The following LRRC7 variants were observed in gnomAD, a reference collection of about 807,000 sequenced individuals.
The protein encoded by LRRC7 is leucine rich repeat containing 7.
A neutral mutation model predicts 175.7 loss-of-function variants in LRRC7; 23 were observed. The ratio of observed to expected loss-of-function variants is 0.13; its 90% CI spans 0.09 to 0.19. The LOEUF is 0.19. Among genes scored for constraint, LRRC7 ranks in the 10% least tolerant of loss-of-function variants. The pLI is 1.00. For synonymous variants in LRRC7, 685 were observed against 680.9 expected (o/e 1.01, Z -0.09); for missense variants, 1,354 against 1,904.7 (o/e 0.71, Z 5.38).
intron 7 of LRRC7, among the ~76,000 whole-genome samples, chr1:69,900,175 T>C (rs1646094813): frequency 6.6e-6 from 1 of 152,198 alleles, no homozygotes; most frequent in Non-Finnish European, 1.5e-5. Flanking sequence ...AAACCCTTGC[T>C]CCAACTAATA....
chr1:69,792,612 A>G (rs1378308480), intron 4 of LRRC7, among the ~76,000 whole-genome samples: 1 of 151,970 alleles, frequency 6.6e-6, no homozygotes, highest in Non-Finnish European at 1.5e-5. Context: ...TACTTTACCT[A>G]TTTCCTATGG....
At chr1:69,867,316 T>C (rs1685053414) in intron 7 of LRRC7, among the ~76,000 whole-genome samples, 1 of 152,140 alleles carries the variant, frequency 6.6e-6, no homozygotes, top group South Asian at 2.1e-4. Context: ...CACAATATAG[T>C]TTTCTGAGAA....
intron 2 of LRRC7, among the ~76,000 whole-genome samples, chr1:69,717,608 C>T (rs549003914): frequency 1.6e-4 from 24 of 151,388 alleles, no homozygotes; most frequent in South Asian, 6.3e-4. Context: ...AAGGCAAGCA[C>T]CTTCAAAATT....
intron 24 of LRRC7, among the ~76,000 whole-genome samples, chr1:70,080,522 T>C (rs2102143141): frequency 6.6e-6 from 1 of 152,344 alleles, no homozygotes; most frequent in Middle Eastern, 3.4e-3. Flanking sequence ...CCTAAACTTC[T>C]GGTTTAATGC....
chr1:69,922,966 C>G (rs996109405), intron 7 of LRRC7, among the ~76,000 whole-genome samples: 3 of 151,970 alleles, frequency 2.0e-5, no homozygotes, highest in Admixed American at 2.0e-4. Context: ...ATCCCTCCCC[C>G]CTCCTGCCAC....
chr1:69,721,375 C>G (rs1666333266), intron 2 of LRRC7, among the ~76,000 whole-genome samples: 2 of 151,838 alleles, frequency 1.3e-5, no homozygotes, highest in African/African-American at 4.8e-5. Flanking sequence ...GTGCTCCATC[C>G]TCCCTAATCT....
intron 1 of LRRC7, among the ~76,000 whole-genome samples, chr1:69,592,934 TAA>T (rs1646697631): frequency 6.6e-6 from 1 of 152,030 alleles, no homozygotes; most frequent in African/African-American, 2.4e-5. Flanking sequence ...TTCTAATATC[TAA>T]AAGTTTTTAG....
intron 4 of LRRC7, among the ~76,000 whole-genome samples, chr1:69,794,979 A>T (rs888441341): frequency 9.2e-5 from 14 of 152,252 alleles, no homozygotes; most frequent in African/African-American, 3.1e-4. Context: ...ACTCTGCAAT[A>T]CTAGTATAGT....
At chr1:70,109,233 G>A (rs1053142876) in intron 26 of LRRC7, among the ~76,000 whole-genome samples, 1 of 152,078 alleles carries the variant, frequency 6.6e-6, no homozygotes, top group African/African-American at 2.4e-5. Flanking sequence ...TGCTGGTCAG[G>A]CTGATCTCGA....
At chr1:69,797,913 TTTTG>T (rs567826773) in intron 4 of LRRC7, among the ~76,000 whole-genome samples, 12 of 152,202 alleles carry the variant, frequency 7.9e-5, no homozygotes, top group East Asian at 1.9e-4. Flanking sequence ...ACTTTGTTTT[TTTTG>T]TTTGTTTGTT....
chr1:70,109,210 CAG>C (rs1558075765), intron 26 of LRRC7, among the ~76,000 whole-genome samples: 1 of 151,980 alleles, frequency 6.6e-6, no homozygotes, highest in Non-Finnish European at 1.5e-5. Flanking sequence ...TTAGTAGAGA[CAG>C]GGTTTCTCCA....
chr1:69,619,698 A>G (rs1379621367), intron 1 of LRRC7, among the ~76,000 whole-genome samples: 1 of 152,216 alleles, frequency 6.6e-6, no homozygotes, highest in Non-Finnish European at 1.5e-5. Context: ...GTTCAAGTGA[A>G]AATTGGAATT....
In LRRC7 at chr1:70,129,491, C is replaced by T. The variant is rs562854707; in HGVS notation, c.*7604C>T. Among the ~76,000 whole-genome samples, 44 of 152,206 alleles carry T rather than the reference C, an allele frequency of 2.9e-4. No individual in the cohort carries two copies. The highest frequency in any genetic ancestry group is 9.6e-4 in the African/African-American group (40 of 41,538). On this transcript the variant is annotated 3_prime_UTR_variant, in exon 27 of 27. Transcript: ENST00000651989. ...CAGCACTGAGTCTGTATGCCCCTGA[C>T]GTTACGGGAGAAGGAGATGGAATTC...
chr1:69,765,815 A>G (rs1394773450), intron 3 of LRRC7, among the ~76,000 whole-genome samples: 31 of 152,110 alleles, frequency 2.0e-4, no homozygotes. Flanking sequence ...TTTTTCAGAC[A>G]TTCTATCTAG....
At chr1:69,983,950 G>A (rs754934777) in intron 9 of LRRC7, among the ~76,000 whole-genome samples, 1 of 151,560 alleles carries the variant, frequency 6.6e-6, no homozygotes. Flanking sequence ...TTTTTGGATG[G>A]AGTCTCGCTC....
chr1:70,050,794 A>G (rs1268809275), intron 22 of LRRC7, among the ~76,000 whole-genome samples: 1 of 152,038 alleles, frequency 6.6e-6, no homozygotes, highest in Non-Finnish European at 1.5e-5. Context: ...CTGCACCACC[A>G]CAACCACCAC....
At chr1:69,837,986 G>T (rs1352060355) in intron 6 of LRRC7, among the ~76,000 whole-genome samples, 1 of 151,614 alleles carries the variant, frequency 6.6e-6, no homozygotes, top group African/African-American at 2.4e-5. Context: ...AGGTATGTGT[G>T]ATATTTTAGT....
intron 23 of LRRC7, among the ~76,000 whole-genome samples, chr1:70,066,493 C>A (rs932263865): frequency 6.6e-6 from 1 of 151,888 alleles, no homozygotes; most frequent in South Asian, 2.1e-4. Flanking sequence ...ATGTATGTAA[C>A]CTTTTGGGAT....
chr1:70,027,386 T>C (rs1309314266), intron 17 of LRRC7, among the ~76,000 whole-genome samples: 1 of 152,180 alleles, frequency 6.6e-6, no homozygotes, highest in Non-Finnish European at 1.5e-5. Flanking sequence ...CATTAACATG[T>C]GTTCCCAAAA....
Sources: allele counts gnomAD v4.1 joint callset (sites outside exome capture counted in the v4.1 genomes callset), GRCh38; gene constraint gnomAD v4.1.1; transcripts MANE v1.5; gene names NCBI Gene and HGNC (gene_info 2026-07-23, HGNC 2026-07-21).